The following RUNX3 variants were observed in gnomAD, a reference collection of about 807,000 sequenced individuals.
RUNX3 encodes the protein RUNX family transcription factor 3, also known as runt-related transcription factor 3.
A neutral mutation model predicts 27.7 loss-of-function variants in RUNX3; 10 were observed. That is an observed-to-expected ratio of 0.36 (90% CI 0.22 to 0.61). The LOEUF is 0.61. RUNX3 is among the 20% of genes least tolerant of loss of function. RUNX3 has a pLI of 0.72. For missense variants in RUNX3, 469 were observed against 629.5 expected, an observed-to-expected ratio of 0.75 and a Z score of 2.73; for synonymous variants, 270 against 269.2, an observed-to-expected ratio of 1.00 and a Z score of -0.03.
chr1:24,932,244 C>T (rs765426697), upstream of RUNX3, among the ~76,000 whole-genome samples: 21 of 148,002 alleles, frequency 1.4e-4, no homozygotes, highest in Admixed American at 2.7e-4. Flanking sequence ...GCCCTGGCAC[C>T]TGGCGCAGGG....
intron 3 of RUNX3, among the ~76,000 whole-genome samples, chr1:24,918,226 TAGGCCTCCTGCCCC>T (rs200893586): frequency 0.023 from 3,559 of 152,260 alleles, 78 homozygotes; most frequent in African/African-American, 0.05. Context: ...AGCCCAGGGC[TAGGCCTCCTGCCCC>T]AGGCCTCCTG....
rs376213225 is a variant in RUNX3 at position 24,915,478 on chromosome 1, C to T, written c.544+3762G>A. Among the ~76,000 whole-genome samples the T allele has an allele frequency of 2.4e-3, 371 of 152,224 alleles. 9 individuals carry two copies. The South Asian group carries it at 0.066, about 27-fold the overall frequency. On this transcript the variant is annotated intron_variant, in intron 3 of 4. Coordinates refer to ENST00000308873, the MANE Select transcript of RUNX3 (RefSeq NM_004350.3). ...ATGAATAACAAATGAAACAAACTAT[C>T]GGACTAGATAGCACCTTAGAAGGTG...
chr1:24,919,944 A>G (rs1640966850), intron 2 of RUNX3, among the ~76,000 whole-genome samples: 1 of 151,756 alleles, frequency 6.6e-6, no homozygotes, highest in Non-Finnish European at 1.5e-5. Context: ...AACTCCATAA[A>G]CTTCGTTTTT....
At chr1:24,911,660 G>A (rs1640798326) in intron 3 of RUNX3, among the ~76,000 whole-genome samples, 1 of 152,228 alleles carries the variant, frequency 6.6e-6, no homozygotes, top group Non-Finnish European at 1.5e-5. Context: ...TGCTGAAGTC[G>A]TGTGAGGAAC....
intron 2 of RUNX3, among the ~76,000 whole-genome samples, chr1:24,950,435 C>G (rs1332885560): frequency 6.6e-6 from 1 of 152,196 alleles, no homozygotes; most frequent in African/African-American, 2.4e-5. Context: ...GACCCGGGCC[C>G]CAAGTCCCCA....
intron 3 of RUNX3, among the ~76,000 whole-genome samples, chr1:24,915,362 T>G (rs1640870200): frequency 6.6e-6 from 1 of 152,106 alleles, no homozygotes; most frequent in African/African-American, 2.4e-5. Context: ...AGGCGGAGGT[T>G]GCTGTGAGCC....
chr1:24,928,232 T>C (rs1403055722), intron 1 of RUNX3, among the ~76,000 whole-genome samples: 1 of 152,346 alleles, frequency 6.6e-6, no homozygotes. Flanking sequence ...GCCCAGTTTA[T>C]TGGCCTCTGC....
intron 4 of RUNX3, among the ~76,000 whole-genome samples, chr1:24,903,446 A>G (rs78272785): frequency 0.012 from 1,849 of 152,340 alleles, 24 homozygotes; most frequent in African/African-American, 0.032. Context: ...TTGGGGACCC[A>G]GACCCCAACC....
chr1:24,903,375 C>A (rs563600104), intron 4 of RUNX3, among the ~76,000 whole-genome samples: 2 of 152,334 alleles, frequency 1.3e-5, no homozygotes, highest in South Asian at 4.1e-4. Context: ...CGTGGCCACA[C>A]AGTGACTGGA....
intron 4 of RUNX3, among the ~76,000 whole-genome samples, chr1:24,905,828 C>G (rs950987156): frequency 1.3e-5 from 2 of 152,244 alleles, no homozygotes; most frequent in Non-Finnish European, 2.9e-5. Flanking sequence ...CCATGGGTAG[C>G]AGAAGCAGAG....
intron 1 of RUNX3, 85 bp downstream of exon 1, chr1:24,929,502 C>T: frequency 7.4e-7 from 1 of 1,349,906 alleles, no homozygotes; most frequent in Non-Finnish European, 1.0e-6. Flanking sequence ...CTCCCATCCC[C>T]ACTGCTCCCG....
chr1:24,947,701 CCT>C (rs1641645969), intron 2 of RUNX3, among the ~76,000 whole-genome samples: 1 of 152,142 alleles, frequency 6.6e-6, no homozygotes. Context: ...GGGGACGCTC[CCT>C]GTTTGCATCC....
intron 2 of RUNX3, among the ~76,000 whole-genome samples, chr1:24,935,782 G>A (rs966931071): frequency 3.9e-5 from 6 of 152,350 alleles, no homozygotes; most frequent in African/African-American, 1.2e-4. Context: ...CATGCTGGGA[G>A]TTTTCCGCCA....
rs1642154712 is a variant in RUNX3 at position 24,962,858 on chromosome 1, C to T, written c.58+1656G>A. ...AGGCCGACCGGGGCTCTAGCCCTGTCTCCCAAGGTTCCTTTGTTTTAAACC... is the reference window on the plus strand; with the variant it reads ...AGGCCGACCGGGGCTCTAGCCCTGTTTCCCAAGGTTCCTTTGTTTTAAACC... On this transcript the variant is annotated intron_variant, in intron 2 of 6. Transcript: ENST00000338888. The surrounding 1 kb of genome is among the most constrained non-coding windows in gnomAD (Gnocchi z 4.5). 1 of 152,276 alleles carries T rather than the reference C, an allele frequency of 6.6e-6. No individual in the cohort carries two copies. The highest frequency in any genetic ancestry group is 2.4e-5 in the African/African-American group (1 of 41,468). 9.4% of individuals were successfully genotyped at this position (152,276 alleles called of 1,614,324 possible).
At position 24,902,016 on chromosome 1, in the gene RUNX3, C is replaced by A; in HGVS notation, c.*106G>T. The A allele has an allele frequency of 9.0e-7, 1 of 1,111,798 alleles. No homozygotes were observed. Among genetic ancestry groups the A allele is most frequent in the Non-Finnish European group, 1.2e-6 (1 of 803,200 alleles). 68.9% of individuals were successfully genotyped at this position (1,111,798 alleles called of 1,614,324 possible). A position where few individuals can be genotyped will look rare whatever the true frequency, so the allele number is the denominator to read the frequency against. ...GGACCACCCTGGGACCGAGACCACC[C>A]TGGAGCGCAGGTCCCATTCCCGCCC... On this transcript the variant is annotated 3_prime_UTR_variant, in exon 5 of 5. Coordinates refer to ENST00000308873, the MANE Select transcript of RUNX3 (RefSeq NM_004350.3). This position sits in a 1 kb window ranked among gnomAD's most constrained non-coding sequence, Gnocchi z 9.2.
At chr1:24,915,151 C>T (rs12722919) in intron 3 of RUNX3, among the ~76,000 whole-genome samples, 266 of 152,098 alleles carry the variant, frequency 1.7e-3, no homozygotes, top group Non-Finnish European at 2.9e-3. Context: ...GGGCCGGGTG[C>T]GGTGGCTCAC....
At chr1:24,932,693 T>C (rs1641258828), upstream of RUNX3, among the ~76,000 whole-genome samples, 1 of 152,062 alleles carries the variant, frequency 6.6e-6, no homozygotes, top group African/African-American at 2.4e-5. Context: ...TCCACCTGCT[T>C]CCTCCCCATC....
intron 2 of RUNX3, among the ~76,000 whole-genome samples, chr1:24,926,836 G>A (rs1433565072): frequency 2.0e-5 from 3 of 152,164 alleles, no homozygotes; most frequent in African/African-American, 4.8e-5. Flanking sequence ...TCAGGCCTCC[G>A]TTCCACAGGG....
chr1:24,960,028 C>T (rs1642063515), intron 2 of RUNX3, among the ~76,000 whole-genome samples: 1 of 152,226 alleles, frequency 6.6e-6, no homozygotes, highest in African/African-American at 2.4e-5. Flanking sequence ...TTCCAAGTCA[C>T]TCCTCCAGAG....
Sources: allele counts gnomAD v4.1 joint callset (sites outside exome capture counted in the v4.1 genomes callset), GRCh38; gene constraint gnomAD v4.1.1; non-coding constraint Gnocchi (gnomAD v3.1); transcripts MANE v1.5; gene names NCBI Gene and HGNC (gene_info 2026-07-23, HGNC 2026-07-21).